Variants in TMEM45B observed in about 807,000 individuals in gnomAD.
TMEM45B encodes the protein transmembrane protein 45B.
TMEM45B carries 29 observed loss-of-function variants against 27.3 expected under a neutral mutation model. The ratio of observed to expected loss-of-function variants is 1.06; its 90% CI spans 0.79 to 1.45. The LOEUF (loss-of-function observed/expected upper bound fraction) is 1.45. TMEM45B is among the 40% of genes most tolerant of loss of function. TMEM45B has a pLI of 0.00. For synonymous variants in TMEM45B, 143 were observed against 134.7 expected, an observed-to-expected ratio of 1.06 and a Z score of -0.43; for missense variants, 348 against 343.9, an observed-to-expected ratio of 1.01 and a Z score of -0.09.
At position 129,840,310 on chromosome 11, in the gene TMEM45B, C is replaced by T. The variant is rs367545362; in HGVS notation, c.-8-12165C>T. ...GCTGTCCACTGGTGTGAATTTTAGA[C>T]GAGGTAAAAGGGAAGGGTGGGTCTT... On this transcript the variant is annotated intron_variant, in intron 1 of 5. Transcript: ENST00000281441. Among the ~76,000 whole-genome samples the T allele has an allele frequency of 8.5e-5, 13 of 152,142 alleles. No individual in the cohort carries two copies. In the East Asian group the frequency reaches 9.6e-4, roughly 11 times the overall value.
Position 129,838,797 on chromosome 11 carries a change from G to A in TMEM45B, c.-8-13678G>A, listed in dbSNP as rs535065046. Among the ~76,000 whole-genome samples, 150 of 152,242 alleles carry A rather than the reference G, an allele frequency of 9.9e-4. 4 individuals are homozygous for A. The South Asian group carries it at 0.03, about 30-fold the overall frequency. On this transcript the variant is annotated intron_variant, in intron 1 of 5. Coordinates refer to ENST00000281441, the MANE Select transcript of TMEM45B (RefSeq NM_138788.5). Reference sequence around the variant, plus strand: ...GTTGCCAAGCCTAGGCACTTGAGGAGAAAAACAAAATTCACTTTCCCCCTT... The same window carrying A: ...GTTGCCAAGCCTAGGCACTTGAGGAAAAAAACAAAATTCACTTTCCCCCTT...
At chr11:129,828,195 AAG>A (rs1391791889) in intron 1 of TMEM45B, 3 of 152,280 alleles carry the variant, frequency 2.0e-5, no homozygotes, top group Middle Eastern at 6.8e-3. Context: ...AAATTTTAGA[AAG>A]AGAGAGACAG....
intron 1 of TMEM45B, among the ~76,000 whole-genome samples, chr11:129,848,257 T>C (rs1449635638): frequency 1.3e-5 from 2 of 152,150 alleles, no homozygotes; most frequent in African/African-American, 2.4e-5. Flanking sequence ...CCGTCTGCAA[T>C]CCCGGCACCT....
chr11:129,832,318 C>T (rs533466349), intron 1 of TMEM45B, among the ~76,000 whole-genome samples: 97 of 151,998 alleles, frequency 6.4e-4, no homozygotes, highest in Non-Finnish European at 1.1e-3. Flanking sequence ...TGCAGTGAGC[C>T]GAGATCGCAC....
intron 4 of TMEM45B, among the ~76,000 whole-genome samples, chr11:129,857,036 T>C (rs1947938535): frequency 6.6e-6 from 1 of 151,926 alleles, no homozygotes; most frequent in Admixed American, 6.6e-5. Flanking sequence ...GTATTTTTAG[T>C]AGAAACAGGG....
chr11:129,841,455 A>G, intron 1 of TMEM45B, among the ~76,000 whole-genome samples: 1 of 152,162 alleles, frequency 6.6e-6, no homozygotes, highest in East Asian at 1.9e-4. Flanking sequence ...TGAAAAAACT[A>G]TGCATATATG....
intron 1 of TMEM45B, among the ~76,000 whole-genome samples, chr11:129,845,259 TTGTGTG>T (rs1253206503): frequency 3.3e-4 from 40 of 120,330 alleles, no homozygotes; most frequent in Admixed American, 2.3e-3. Context: ...ATGGCTTATT[TTGTGTG>T]TGTGTATGTG....
intron 1 of TMEM45B, among the ~76,000 whole-genome samples, chr11:129,833,369 A>G (rs190271348): frequency 1.3e-5 from 2 of 152,242 alleles, no homozygotes; most frequent in African/African-American, 4.8e-5. Flanking sequence ...TGAAGTCCTC[A>G]CCTCCAGTGC....
At chr11:129,839,135 A>G (rs2135577314) in intron 1 of TMEM45B, among the ~76,000 whole-genome samples, 1 of 152,164 alleles carries the variant, frequency 6.6e-6, no homozygotes. Flanking sequence ...AGAAGGAAGG[A>G]GAGAGGGAGG....
intron 1 of TMEM45B, among the ~76,000 whole-genome samples, chr11:129,831,035 C>G (rs1947540620): frequency 6.6e-6 from 1 of 152,254 alleles, no homozygotes; most frequent in Admixed American, 6.5e-5. Flanking sequence ...ACCTTATATA[C>G]ACTATATTTT....
intron 1 of TMEM45B, among the ~76,000 whole-genome samples, chr11:129,816,197 G>A (rs1330521809): frequency 6.6e-6 from 1 of 152,170 alleles, no homozygotes; most frequent in African/African-American, 2.4e-5. Context: ...GCTGGCCGCG[G>A]CCCTGGAACG....
rs1373196295 is a variant in TMEM45B, at chr11:129,820,570, C to T, written c.-9+4672C>T. 3.3e-5 allele frequency among the ~76,000 whole-genome samples: 5 copies of T among 152,124 alleles called. No homozygotes were observed. In the South Asian group the frequency reaches 8.3e-4, roughly 25 times the overall value. On this transcript the variant is annotated intron_variant, in intron 1 of 5. Transcript: ENST00000281441. Reference sequence around the variant, plus strand: ...TCTGAGAACTGCTGATTATGTAGGTCTGGGCTGGGTCTATAATTCTCCATT... The same window carrying T: ...TCTGAGAACTGCTGATTATGTAGGTTTGGGCTGGGTCTATAATTCTCCATT...
chr11:129,855,129 G>C (rs1353554930), intron 3 of TMEM45B, among the ~76,000 whole-genome samples: 3 of 152,176 alleles, frequency 2.0e-5, no homozygotes, highest in Non-Finnish European at 4.4e-5. Flanking sequence ...ATATTCCTCG[G>C]TGTGGACGTA....
intron 1 of TMEM45B, among the ~76,000 whole-genome samples, chr11:129,848,110 G>T (rs1199101537): frequency 6.7e-6 from 1 of 149,996 alleles, no homozygotes; most frequent in Non-Finnish European, 1.5e-5. Context: ...CTTCCCAGAC[G>T]GGGTGGCGGC....
chr11:129,848,015 C>G (rs7943987), intron 1 of TMEM45B, among the ~76,000 whole-genome samples: 1 of 135,688 alleles, frequency 7.4e-6, no homozygotes, highest in African/African-American at 2.8e-5. Context: ...CGGGCAGAGA[C>G]GCTCCTCACT....
chr11:129,848,623 G>A (rs539692241), intron 1 of TMEM45B, among the ~76,000 whole-genome samples: 1 of 152,182 alleles, frequency 6.6e-6, no homozygotes. Context: ...CTAGAGGGAC[G>A]GGCCTGTGTC....
rs572827080 is a variant in TMEM45B, at chr11:129,852,825, G to A, written c.178+165G>A. The A allele has an allele frequency of 6.2e-6, 4 of 644,178 alleles. No individual in the cohort carries two copies. The East Asian group carries it at 1.2e-4, about 19-fold the overall frequency. 39.9% of individuals were successfully genotyped at this position (644,178 alleles called of 1,614,324 possible). On this transcript the variant is annotated intron_variant, in intron 2 of 5. Transcript: ENST00000281441. ...TTTATCGTAACATCCATTGTGTACA[G>A]AGCTTTATAATACTAACGGTTGACA...
chr11:129,858,591 A>G lies in TMEM45B; in HGVS notation c.734A>G (p.Lys245Arg). 1 of 1,586,762 alleles carries G rather than the reference A, an allele frequency of 6.3e-7. No individual in the cohort carries two copies. The change falls in exon 6 of 6, where the codon AAG becomes AGG. Residue 245 changes from lysine (K) to arginine (R), a missense_variant. Lys to Arg is a conservative substitution (Grantham distance 26, BLOSUM62 2). Coordinates refer to ENST00000281441, the MANE Select transcript of TMEM45B (RefSeq NM_138788.5). ...SLVYCLLTRM[K>R]RHGRGEIIGI... ...TATTAAAGCCTTTTGACTCGGATGA[A>G]GAGACACGGAAGGGGAGAAATCATT...
At chr11:129,820,797 A>G (rs11822308) in intron 1 of TMEM45B, among the ~76,000 whole-genome samples, 6,054 of 152,228 alleles carry the variant, frequency 0.04, 395 homozygotes, top group African/African-American at 0.14. Context: ...GAAGTCGTTC[A>G]TTGTAGAAGG....
Sources: gnomAD v4.1 joint callset for allele counts (sites outside exome capture counted in the v4.1 genomes callset) on GRCh38, gnomAD v4.1.1 for gene constraint, MANE v1.5 for transcripts, NCBI Gene and HGNC (gene_info 2026-07-23, HGNC 2026-07-21) for gene names.